Variants in MYO1D observed in about 807,000 individuals in gnomAD.
MYO1D encodes the protein unconventional myosin-Id.
In MYO1D, 83 loss-of-function variants were observed where a neutral mutation model predicts 122.0. That is an observed-to-expected ratio of 0.68 (90% CI 0.57 to 0.82). The LOEUF (loss-of-function observed/expected upper bound fraction) is 0.82. Ranked by LOEUF, MYO1D falls within the 40% of genes least tolerant of loss-of-function variation. The pLI is 0.00. For missense variants in MYO1D, 1,157 were observed against 1,269.5 expected (o/e 0.91, Z 1.35); for synonymous variants, 464 against 446.9 (o/e 1.04, Z -0.48).
chr17:32,716,716 A>G (rs2150989048), intron 15 of MYO1D, among the ~76,000 whole-genome samples: 1 of 152,338 alleles, frequency 6.6e-6, no homozygotes. Flanking sequence ...TGTTTGTTTC[A>G]GGCACGCTTC....
chr17:32,844,188 G>A (rs1037955640), intron 1 of MYO1D, among the ~76,000 whole-genome samples: 1 of 147,796 alleles, frequency 6.8e-6, no homozygotes, highest in Non-Finnish European at 1.5e-5. Flanking sequence ...AGTGACAAAA[G>A]CAAGTTTAAG....
intron 1 of MYO1D, among the ~76,000 whole-genome samples, chr17:32,860,766 T>C (rs975397075): frequency 6.6e-6 from 1 of 152,202 alleles, no homozygotes; most frequent in African/African-American, 2.4e-5. Flanking sequence ...TAGTAAAAAG[T>C]CCTGACTTTC....
intron 21 of MYO1D, among the ~76,000 whole-genome samples, chr17:32,583,655 C>T (rs1485175766): frequency 2.6e-5 from 4 of 151,966 alleles, no homozygotes; most frequent in Admixed American, 2.6e-4. Context: ...ATCTAATGTG[C>T]TGTTACTCCC....
At chr17:32,761,107 C>T (rs949610534) in intron 8 of MYO1D, among the ~76,000 whole-genome samples, 1 of 152,150 alleles carries the variant, frequency 6.6e-6, no homozygotes, top group Non-Finnish European at 1.5e-5. Flanking sequence ...CCCTGAGAAT[C>T]GAACACACAT....
chr17:32,645,405 A>G (rs1349246517), intron 19 of MYO1D, among the ~76,000 whole-genome samples: 1 of 152,068 alleles, frequency 6.6e-6, no homozygotes, highest in Non-Finnish European at 1.5e-5. Flanking sequence ...CTCGAGGAGT[A>G]TCTTTGTGGC....
intron 1 of MYO1D, chr17:32,862,907 G>C (rs1294465620): frequency 6.6e-6 from 1 of 152,164 alleles, no homozygotes; most frequent in African/African-American, 2.4e-5. Flanking sequence ...GACTCACCTG[G>C]GCACTAAGGA....
At chr17:32,673,854 T>C (rs751620732) in intron 16 of MYO1D, among the ~76,000 whole-genome samples, 2 of 152,248 alleles carry the variant, frequency 1.3e-5, no homozygotes, top group African/African-American at 2.4e-5. Flanking sequence ...TTTGTGTCAA[T>C]GTATTAAATT....
intron 21 of MYO1D, among the ~76,000 whole-genome samples, chr17:32,561,283 A>G (rs1304652869): frequency 6.6e-6 from 1 of 152,118 alleles, no homozygotes; most frequent in East Asian, 1.9e-4. Context: ...TATAACATCC[A>G]TCACTCAGTC....
chr17:32,820,995 A>T (rs1197806408), intron 1 of MYO1D, among the ~76,000 whole-genome samples: 1 of 152,108 alleles, frequency 6.6e-6, no homozygotes, highest in African/African-American at 2.4e-5. Context: ...CCTTGTACCC[A>T]TTAGTTATTT....
chr17:32,722,663 T>C (rs1714252437), intron 14 of MYO1D, among the ~76,000 whole-genome samples: 1 of 152,230 alleles, frequency 6.6e-6, no homozygotes, highest in African/African-American at 2.4e-5. Context: ...CAACCTTAAT[T>C]CCACCTTGCC....
chr17:32,719,433 T>C lies in MYO1D; in HGVS notation c.1913+1590A>G, dbSNP rs1005931879. Among the ~76,000 whole-genome samples, 8 of 150,176 alleles carry C rather than the reference T, an allele frequency of 5.3e-5. No individual in the cohort carries two copies. The Admixed American group carries it at 5.4e-4, about 10-fold the overall frequency. Reference sequence around the variant, plus strand: ...GGCATGATCTTGGCTCACTGCAAGCTCCGCCTCCCAGGTTCAGGCCATTCT... The same window carrying C: ...GGCATGATCTTGGCTCACTGCAAGCCCCGCCTCCCAGGTTCAGGCCATTCT... On this transcript the variant is annotated intron_variant, in intron 15 of 21. Transcript: ENST00000318217.
chr17:32,535,523 G>A lies in MYO1D; in HGVS notation c.2865-40608C>T, dbSNP rs988348701. Among the ~76,000 whole-genome samples the A allele has an allele frequency of 3.3e-5, 5 of 152,156 alleles. No homozygotes were observed. In the East Asian group the frequency reaches 7.7e-4, roughly 24 times the overall value. ...AGCACTTTGGGAGGCCAAGGTGGAC[G>A]GATCACAAGGTCAGGAGTTCAAGAC... On this transcript the variant is annotated intron_variant, in intron 21 of 21. Transcript: ENST00000318217.
At chr17:32,581,150 A>G (rs950112032) in intron 21 of MYO1D, among the ~76,000 whole-genome samples, 3 of 152,026 alleles carry the variant, frequency 2.0e-5, no homozygotes, top group Non-Finnish European at 1.5e-5. Flanking sequence ...CAGGTTATCT[A>G]TTTCTTCTTG....
At chr17:32,659,971 C>T (rs769557132) in intron 16 of MYO1D, among the ~76,000 whole-genome samples, 4 of 152,198 alleles carry the variant, frequency 2.6e-5, no homozygotes, top group African/African-American at 4.8e-5. Flanking sequence ...TTCATCCAAG[C>T]ATGGTAAAGT....
At chr17:32,643,809 C>G (rs2088242982) in intron 19 of MYO1D, among the ~76,000 whole-genome samples, 1 of 152,092 alleles carries the variant, frequency 6.6e-6, no homozygotes, top group South Asian at 2.1e-4. Context: ...ATTCTTCTCT[C>G]TTTTCTTCTT....
At chr17:32,732,368 A>G (rs1328290348) in intron 14 of MYO1D, among the ~76,000 whole-genome samples, 1 of 152,132 alleles carries the variant, frequency 6.6e-6, no homozygotes, top group Admixed American at 6.5e-5. Flanking sequence ...ATCAGCGCAC[A>G]CTTCCCCTCC....
At chr17:32,662,378 T>C (rs1305242101) in intron 16 of MYO1D, among the ~76,000 whole-genome samples, 4 of 152,144 alleles carry the variant, frequency 2.6e-5, no homozygotes, top group African/African-American at 9.7e-5. Flanking sequence ...GGTCCCACTC[T>C]TAAGAGCTGC....
Position 32,494,808 on chromosome 17 carries a change from T to G in MYO1D, c.2972A>C (p.Asp991Ala). The change falls in exon 22 of 22, where the codon GAC (aspartate) becomes GCC (alanine). Residue 991 changes from aspartate to alanine, a missense_variant. By Grantham distance (126) the Asp-to-Ala change is moderately radical. Coordinates refer to ENST00000318217, the MANE Select transcript of MYO1D (RefSeq NM_015194.3). ...VETRLNQPQP[D>A]FTKNRSGFIL... The stretch of plus-strand genomic sequence containing the variant: ...GAAGCCCGAGCGATTCTTGGTGAAG[T>G]CGGGCTGGGGCTGGTTGAGCCGCGT... The G allele has an allele frequency of 1.2e-6, 2 of 1,613,276 alleles. No homozygotes were observed. Among genetic ancestry groups the G allele is most frequent in the Non-Finnish European group, 1.7e-6 (2 of 1,179,668 alleles).
chr17:32,666,589 A>G (rs907821655), intron 16 of MYO1D, among the ~76,000 whole-genome samples: 3 of 152,228 alleles, frequency 2.0e-5, no homozygotes, highest in Non-Finnish European at 4.4e-5. Context: ...ACTTTGCAAA[A>G]AAAAGTAGGA....
Sources: allele counts gnomAD v4.1 joint callset (sites outside exome capture counted in the v4.1 genomes callset), GRCh38; gene constraint gnomAD v4.1.1; transcripts MANE v1.5; gene names NCBI Gene and HGNC (gene_info 2026-07-23, HGNC 2026-07-21).